The following EML4 variants were observed in gnomAD, a reference collection of about 807,000 sequenced individuals.
EML4 encodes the protein EMAP like 4.
EML4 carries 72 observed loss-of-function variants against 129.0 expected under a neutral mutation model. The ratio of observed to expected loss-of-function variants is 0.56; its 90% confidence interval spans 0.46 to 0.68. EML4 has a LOEUF of 0.68. Ranked by LOEUF, EML4 falls within the 30% of genes least tolerant of loss-of-function variation. The probability of loss-of-function intolerance (pLI) is 0.00; values close to 1 mark genes in which losing one functional copy is unlikely to be tolerated. For synonymous variants in EML4, 532 were observed against 405.0 expected (o/e 1.31, Z -3.77); for missense variants, 1,363 against 1,190.6 (o/e 1.14, Z -2.13).
At chr2:42,273,806 G>T (rs975805099) in intron 6 of EML4, among the ~76,000 whole-genome samples, 2 of 151,990 alleles carry the variant, frequency 1.3e-5, no homozygotes, top group African/African-American at 2.4e-5. Context: ...TTCCCTTTTA[G>T]TTTATTTGGT....
chr2:42,245,433 G>A (rs1675335388), intron 1 of EML4, 72 bp from the exon 2 acceptor site: 2 of 1,382,576 alleles, frequency 1.4e-6, no homozygotes, highest in African/African-American at 1.4e-5. Flanking sequence ...TATGTGGGAT[G>A]GTTTTTCTAA....
chr2:42,172,422 G>A (rs1022413523), intron 1 of EML4, among the ~76,000 whole-genome samples: 1 of 152,130 alleles, frequency 6.6e-6, no homozygotes, highest in African/African-American at 2.4e-5. Context: ...TAAATCATAG[G>A]AATGATAAGT....
At chr2:42,171,071 C>G (rs1670246239) in intron 1 of EML4, among the ~76,000 whole-genome samples, 1 of 152,192 alleles carries the variant, frequency 6.6e-6, no homozygotes, top group Non-Finnish European at 1.5e-5. Context: ...CTCAAAGGCA[C>G]CTGTTGTCCA....
chr2:42,280,934 G>C lies in EML4; in HGVS notation c.752G>C (p.Arg251Thr), dbSNP rs772480968. 6.2e-7 allele frequency: 1 copy of C among 1,611,966 alleles called. No homozygotes were observed. The highest frequency in any genetic ancestry group is 8.5e-7 in the Non-Finnish European group (1 of 1,179,108). The stretch of plus-strand genomic sequence containing the variant: ...GATGTTGACAACTATGATGACATCA[G>C]AACGGAACTGCCTCCTGAGAAGCTC... ...PSDVDNYDDI[R>T]TELPPEKLKL... Residue 251 changes from arginine to threonine, a missense_variant, in exon 7 of 23, where the codon AGA (arginine) becomes ACA (threonine). Physicochemically the swap from Arg to Thr is moderately conservative, Grantham distance 71. Transcript: ENST00000318522.
intron 1 of EML4, among the ~76,000 whole-genome samples, chr2:42,239,140 C>G (rs6753694): frequency 0.39 from 59,774 of 152,142 alleles, 14,949 homozygotes; most frequent in African/African-American, 0.71. Flanking sequence ...AATTAATATT[C>G]TAAATGAAGA....
chr2:42,286,210 C>T, intron 9 of EML4, 59 bp from the exon 10 acceptor site: 1 of 914,320 alleles, frequency 1.1e-6, no homozygotes, highest in Non-Finnish European at 1.8e-6. Context: ...GTTCTGTGTG[C>T]TATTGGTGTT....
chr2:42,299,217 C>T (rs1008218510), intron 13 of EML4, among the ~76,000 whole-genome samples: 2 of 152,188 alleles, frequency 1.3e-5, no homozygotes, highest in Non-Finnish European at 1.5e-5. Context: ...TGTCTCCCTG[C>T]CATATATACC....
chr2:42,169,599 CT>C lies in EML4; in HGVS notation c.-10del. On this transcript the variant is annotated 5_prime_UTR_variant, in exon 1 of 23. Transcript: ENST00000318522. ...GCCCCTCTAAGCCCGGAGCCCGGCGCTTTCCCCGCAAGATGGACGGTTTCGC... is the reference window on the plus strand; with the variant it reads ...GCCCCTCTAAGCCCGGAGCCCGGCGCTTCCCCGCAAGATGGACGGTTTCGC... 1 of 1,599,300 alleles carries C rather than the reference CT, an allele frequency of 6.3e-7. No individual in the cohort carries two copies.
At chr2:42,323,004 AAAT>A (rs1669598962) in intron 19 of EML4, among the ~76,000 whole-genome samples, 1 of 150,754 alleles carries the variant, frequency 6.6e-6, no homozygotes, top group South Asian at 2.1e-4. Flanking sequence ...TACCTTCTGA[AAAT>A]AATCTGTGTC....
At chr2:42,312,985 G>C (rs1669045980) in intron 17 of EML4, among the ~76,000 whole-genome samples, 2 of 125,564 alleles carry the variant, frequency 1.6e-5, no homozygotes, top group South Asian at 4.9e-4. Context: ...GTCTCGCTCT[G>C]TCACCCAGGC....
intron 2 of EML4, among the ~76,000 whole-genome samples, chr2:42,252,322 T>G (rs1266018406): frequency 6.6e-6 from 1 of 152,156 alleles, no homozygotes; most frequent in Non-Finnish European, 1.5e-5. Context: ...TGTAAAAGTT[T>G]TTATTGACCT....
At chr2:42,295,571 CA>C in intron 13 of EML4, 55 bp downstream of exon 13, 1 of 1,503,514 alleles carries the variant, frequency 6.7e-7, no homozygotes, top group Non-Finnish European at 9.1e-7. Context: ...AGTACTCTTT[CA>C]GTCCCATCTC....
chr2:42,266,328 A>G (rs1187709932), intron 6 of EML4, among the ~76,000 whole-genome samples: 1 of 152,210 alleles, frequency 6.6e-6, no homozygotes, highest in Admixed American at 6.5e-5. Context: ...TTATTTATGA[A>G]GATAATTCTT....
intron 17 of EML4, among the ~76,000 whole-genome samples, chr2:42,306,741 C>T (rs947010425): frequency 4.0e-5 from 6 of 151,524 alleles, no homozygotes; most frequent in Admixed American, 2.0e-4. Context: ...CCTCGTGATC[C>T]TCCCGCCTCG....
At chr2:42,279,855 C>T (rs1051103920) in intron 6 of EML4, among the ~76,000 whole-genome samples, 1 of 151,788 alleles carries the variant, frequency 6.6e-6, no homozygotes, top group Admixed American at 6.6e-5. Context: ...TTGTGATCTG[C>T]ATTTCTCTGA....
chr2:42,330,583 A>G lies in EML4; in HGVS notation c.*376A>G. The G allele has an allele frequency of 2.4e-6, 1 of 418,022 alleles. No individual in the cohort carries two copies. The highest frequency in any genetic ancestry group is 4.5e-6 in the Non-Finnish European group (1 of 222,326). 25.9% of individuals were successfully genotyped at this position (418,022 alleles called of 1,614,324 possible). A position where few individuals can be genotyped will look rare whatever the true frequency, so the allele number is the denominator to read the frequency against. On this transcript the variant is annotated 3_prime_UTR_variant, in exon 23 of 23. Transcript: ENST00000318522. ...TTCAGGAACAACCAGAGGTATCACA[A>G]ACACTGTTACTCATCTACTGGCTCA...
chr2:42,176,081 C>T (rs554029539), intron 1 of EML4, among the ~76,000 whole-genome samples: 2 of 151,686 alleles, frequency 1.3e-5, no homozygotes, highest in Non-Finnish European at 2.9e-5. Flanking sequence ...CTCTTTATAA[C>T]CCTCAGGTAC....
intron 1 of EML4, among the ~76,000 whole-genome samples, chr2:42,199,316 G>A (rs1006531258): frequency 6.6e-6 from 1 of 152,208 alleles, no homozygotes; most frequent in Admixed American, 6.5e-5. Context: ...GGATGTTCAC[G>A]TGGATTGGAA....
At chr2:42,257,891 A>G (rs536228535) in intron 3 of EML4, among the ~76,000 whole-genome samples, 1 of 152,274 alleles carries the variant, frequency 6.6e-6, no homozygotes, top group Non-Finnish European at 1.5e-5. Context: ...TCGTCATTAC[A>G]GAATCTAGAC....
Sources: allele counts gnomAD v4.1 joint callset (sites outside exome capture counted in the v4.1 genomes callset), GRCh38; gene constraint gnomAD v4.1.1; transcripts MANE v1.5; gene names NCBI Gene and HGNC (gene_info 2026-07-23, HGNC 2026-07-21).